The following PARVB variants were observed in gnomAD, a reference collection of about 807,000 sequenced individuals.
The protein encoded by PARVB is beta-parvin.
Under a neutral mutation model 47.0 loss-of-function variants are expected in PARVB, and 46 were observed. The observed-to-expected ratio is 0.98, with a 90% CI of 0.77 to 1.25. The LOEUF (loss-of-function observed/expected upper bound fraction) is 1.25. Among genes scored for constraint, PARVB ranks in the 50% most tolerant of loss-of-function variants. The pLI, the probability that PARVB is intolerant of heterozygous loss-of-function variation, is 0.00. For missense variants in PARVB, 473 were observed against 471.6 expected (o/e 1.00, Z -0.03); for synonymous variants, 196 against 196.3 (o/e 1.00, Z 0.01).
intron 1 of PARVB, among the ~76,000 whole-genome samples, chr22:44,040,298 ATGTGTTAAAAAAAGATGATATGG>A (rs1459828702): frequency 6.6e-6 from 1 of 150,832 alleles, no homozygotes; most frequent in Admixed American, 6.6e-5. Context: ...TTACTTTGAA[ATGTGTTAAAAAAAGATGATATGG>A]TAGACTGAAT....
chr22:44,016,337 C>T (rs545033480), intron 2 of PARVB, among the ~76,000 whole-genome samples: 31 of 152,094 alleles, frequency 2.0e-4, no homozygotes, highest in Non-Finnish European at 2.5e-4. Context: ...ACTTCGTGAT[C>T]CGCCCGCCTC....
chr22:44,059,844 G>T (rs530589154), intron 1 of PARVB, among the ~76,000 whole-genome samples: 1 of 152,144 alleles, frequency 6.6e-6, no homozygotes. Context: ...AACAGCACTC[G>T]TCGTCTTTGG....
chr22:43,999,558 G>A, exon 2 of PARVB: 3 of 1,604,582 alleles, frequency 1.9e-6, no homozygotes, highest in South Asian at 2.2e-5. Flanking sequence ...TGAGACGTGG[G>A]TGTTCCTGCA....
chr22:44,109,394 G>A (rs1488736858), intron 3 of PARVB: 2 of 152,206 alleles, frequency 1.3e-5, no homozygotes, highest in African/African-American at 2.4e-5. Context: ...TGATGGAGTG[G>A]TATGCAAGAG....
intron 1 of PARVB, among the ~76,000 whole-genome samples, chr22:44,039,449 G>A (rs1337639406): frequency 2.0e-5 from 3 of 152,036 alleles, no homozygotes; most frequent in African/African-American, 4.8e-5. Flanking sequence ...GCTGAGGCAG[G>A]AGAATCACTT....
chr22:44,131,677 C>T (rs767022203), intron 5 of PARVB, 50 bp downstream of exon 5: 2 of 1,538,442 alleles, frequency 1.3e-6, no homozygotes, highest in Admixed American at 2.1e-5. Flanking sequence ...AGCCCGTCCT[C>T]TCGACATTCG....
At chr22:44,075,380 C>T (rs1250738565) in intron 1 of PARVB, among the ~76,000 whole-genome samples, 5 of 152,226 alleles carry the variant, frequency 3.3e-5, no homozygotes, top group African/African-American at 7.2e-5. Flanking sequence ...CGTGACTGCA[C>T]GGCCCCACCA....
intron 1 of PARVB, among the ~76,000 whole-genome samples, chr22:44,071,014 G>C (rs1388472690): frequency 6.6e-6 from 1 of 152,164 alleles, no homozygotes; most frequent in Non-Finnish European, 1.5e-5. Flanking sequence ...GCCTTGGCCT[G>C]GTGGGGTAGG....
chr22:44,128,840 G>C (rs1220557510), intron 4 of PARVB, among the ~76,000 whole-genome samples: 1 of 152,238 alleles, frequency 6.6e-6, no homozygotes, highest in Non-Finnish European at 1.5e-5. Flanking sequence ...CACTTCCGGA[G>C]GCTGAGGTGG....
chr22:44,033,244 G>A (rs1012731196), intron 1 of PARVB, among the ~76,000 whole-genome samples: 2 of 152,126 alleles, frequency 1.3e-5, no homozygotes, highest in Non-Finnish European at 2.9e-5. Context: ...ATTTCATCAT[G>A]TTGGCCAGGC....
chr22:44,160,365 C>T (rs182755786), intron 11 of PARVB, among the ~76,000 whole-genome samples: 1 of 152,368 alleles, frequency 6.6e-6, no homozygotes, highest in Non-Finnish European at 1.5e-5. Context: ...AGGGCAGAGC[C>T]AGGAGGGTCG....
At chr22:44,051,439 T>TC (rs2051206823) in intron 1 of PARVB, among the ~76,000 whole-genome samples, 1 of 152,094 alleles carries the variant, frequency 6.6e-6, no homozygotes, top group African/African-American at 2.4e-5. Flanking sequence ...CAGTCCCAGC[T>TC]CTGACCATGT....
intron 6 of PARVB, among the ~76,000 whole-genome samples, chr22:44,133,499 G>GAGTT (rs1396339312): frequency 6.6e-6 from 1 of 152,160 alleles, no homozygotes; most frequent in African/African-American, 2.4e-5. Context: ...GGGTGAAGTA[G>GAGTT]AGTTACCTTT....
chr22:44,105,827 T>A (rs2052553897), intron 3 of PARVB: 1 of 152,240 alleles, frequency 6.6e-6, no homozygotes, highest in Non-Finnish European at 1.5e-5. Context: ...TGTTGTTTTG[T>A]GTTGTTGTTT....
At chr22:44,106,138 G>GGTTTTT (rs1287678015) in intron 3 of PARVB, 3 of 69,320 alleles carry the variant, frequency 4.3e-5, no homozygotes, top group African/African-American at 1.3e-4. Context: ...AGCCAGATGT[G>GGTTTTT]TTTTTTTTTT....
intron 1 of PARVB, among the ~76,000 whole-genome samples, chr22:44,079,326 A>G (rs1234609974): frequency 6.6e-6 from 1 of 152,218 alleles, no homozygotes; most frequent in Non-Finnish European, 1.5e-5. Flanking sequence ...CTCCAGCCTG[A>G]GAACCTGGTA....
intron 1 of PARVB, among the ~76,000 whole-genome samples, chr22:44,035,636 G>C (rs1396035420): frequency 6.6e-6 from 1 of 152,026 alleles, no homozygotes; most frequent in Non-Finnish European, 1.5e-5. Flanking sequence ...CTCCCAAAGT[G>C]CTGGGATTAC....
At chr22:44,158,615 A>G (rs1283636909) in intron 11 of PARVB, among the ~76,000 whole-genome samples, 1 of 151,998 alleles carries the variant, frequency 6.6e-6, no homozygotes, top group Non-Finnish European at 1.5e-5. Context: ...TCTTAGGAAA[A>G]TTTCTCAAAT....
chr22:44,152,262 G>C lies in PARVB; in HGVS notation c.843+711G>C, dbSNP rs2053827398. The C allele has an allele frequency of 2.6e-5, 4 of 151,508 alleles. No individual in the cohort carries two copies. In the South Asian group the frequency reaches 8.4e-4, roughly 32 times the overall value. The allele number at this position is 151,508 out of a possible 1,614,324, so 9.4% of individuals were successfully genotyped here. ...CCTCCCGGGTTCCAACCATTCTCCTGCCTCAGCCTCCCGAGTAGCTGGGAC... is the reference window on the plus strand; with the variant it reads ...CCTCCCGGGTTCCAACCATTCTCCTCCCTCAGCCTCCCGAGTAGCTGGGAC... On this transcript the variant is annotated intron_variant, in intron 10 of 12. Coordinates refer to ENST00000338758, the MANE Select transcript of PARVB (RefSeq NM_013327.5).
Sources: allele counts gnomAD v4.1 joint callset (sites outside exome capture counted in the v4.1 genomes callset), GRCh38; gene constraint gnomAD v4.1.1; transcripts MANE v1.5; gene names NCBI Gene and HGNC (gene_info 2026-07-23, HGNC 2026-07-21).